DNAH14: variants seen among roughly 807,000 people sequenced by gnomAD.
DNAH14 encodes the protein dynein axonemal heavy chain 14.
In DNAH14, 478 loss-of-function variants were observed where a neutral mutation model predicts 520.9. The ratio of observed to expected loss-of-function variants is 0.92; its 90% confidence interval spans 0.85 to 0.99. The LOEUF is 0.99. Among genes scored for constraint, DNAH14 ranks in the 50% least tolerant of loss-of-function variants. DNAH14 has a pLI of 0.00. For synonymous variants in DNAH14, 1,581 were observed against 1,757.2 expected, an observed-to-expected ratio of 0.90 and a Z score of 2.51; for missense variants, 4,831 against 5,234.5, an observed-to-expected ratio of 0.92 and a Z score of 2.38.
intron 1 of DNAH14, among the ~76,000 whole-genome samples, chr1:224,930,705 C>T (rs578203292): frequency 1.3e-4 from 20 of 152,294 alleles, no homozygotes; most frequent in African/African-American, 4.6e-4. Context: ...TCACGCCATT[C>T]TCCTGCCTCA....
chr1:225,239,586 T>C (rs951884565), intron 42 of DNAH14, among the ~76,000 whole-genome samples: 4 of 152,204 alleles, frequency 2.6e-5, no homozygotes, highest in African/African-American at 9.6e-5. Context: ...TTCATTCCTC[T>C]TTGTGAGTGC....
At chr1:224,963,270 G>A (rs1287201636) in intron 4 of DNAH14, among the ~76,000 whole-genome samples, 1 of 151,900 alleles carries the variant, frequency 6.6e-6, no homozygotes, top group African/African-American at 2.4e-5. Flanking sequence ...TGTATAAGTT[G>A]CTAAGTTTGA....
intron 8 of DNAH14, among the ~76,000 whole-genome samples, chr1:224,977,099 C>G (rs1339992529): frequency 6.6e-6 from 1 of 151,554 alleles, no homozygotes; most frequent in Non-Finnish European, 1.5e-5. Flanking sequence ...AAATGTCCAA[C>G]AATGATAGAC....
Position 225,331,356 on chromosome 1 carries a change from A to G in DNAH14, c.9724-81A>G, listed in dbSNP as rs116561851. 1.0e-3 allele frequency: 1,390 copies of G among 1,371,576 alleles called. 10 individuals are homozygous for G. The African/African-American group carries it at 0.016, about 16-fold the overall frequency. The allele number at this position is 1,371,576 out of a possible 1,614,324, so 85.0% of individuals were successfully genotyped here. ...TGTGAAAATGAAATGGTAACACTAT[A>G]TTTATATAAATGACAGCTAAAGTCT... On this transcript the variant is annotated intron_variant, in intron 64 of 85. Transcript: ENST00000682510.
At chr1:225,393,348 T>C (rs2095947431) in intron 84 of DNAH14, among the ~76,000 whole-genome samples, 1 of 152,216 alleles carries the variant, frequency 6.6e-6, no homozygotes. Flanking sequence ...CTACACGGCA[T>C]AGCCTACTGC....
chr1:225,272,167 G>A, intron 51 of DNAH14, 94 bp downstream of exon 51: 7 of 1,239,840 alleles, frequency 5.6e-6, no homozygotes, highest in Non-Finnish European at 6.6e-6. Context: ...GGGAAAAAAG[G>A]GAAATGAATG....
intron 8 of DNAH14, among the ~76,000 whole-genome samples, chr1:224,980,139 C>G (rs1003570309): frequency 6.6e-6 from 1 of 152,128 alleles, no homozygotes; most frequent in African/African-American, 2.4e-5. Flanking sequence ...TGTCTTGCAC[C>G]TTAGGTACTA....
At chr1:225,072,357 A>G (rs1277624542) in intron 17 of DNAH14, among the ~76,000 whole-genome samples, 1 of 152,150 alleles carries the variant, frequency 6.6e-6, no homozygotes, top group Non-Finnish European at 1.5e-5. Flanking sequence ...GCATTATGAA[A>G]TTCTTCTAGT....
rs60546316 is a variant in DNAH14, at chr1:224,982,364, TC to T, written c.830+8213del. Among the ~76,000 whole-genome samples, 720 of 152,322 alleles carry T rather than the reference TC, an allele frequency of 4.7e-3. 4 individuals are homozygous for T. Among genetic ancestry groups the T allele is most frequent in the African/African-American group, 0.016 (677 of 41,574 alleles). Reference sequence around the variant, plus strand: ...TGTGTGTCAGTGTACATTTTATTCATCCGTCATTTGGGTCAGGGTCTGCTAA... The same window carrying T: ...TGTGTGTCAGTGTACATTTTATTCATCGTCATTTGGGTCAGGGTCTGCTAA... On this transcript the variant is annotated intron_variant, in intron 8 of 85. Transcript: ENST00000682510.
intron 1 of DNAH14, among the ~76,000 whole-genome samples, chr1:224,949,526 C>A (rs1420318559): frequency 6.6e-6 from 1 of 152,214 alleles, no homozygotes; most frequent in African/African-American, 2.4e-5. Flanking sequence ...TTACTTTATT[C>A]TTTGTAATAG....
chr1:225,050,242 C>T lies in DNAH14; in HGVS notation c.1945C>T (p.Leu649=), dbSNP rs569630998. The T allele has an allele frequency of 1.7e-4, 258 of 1,546,006 alleles. 1 individual carries two copies. The South Asian group carries it at 2.9e-3, about 18-fold the overall frequency. The change falls in exon 16 of 86, where the codon CTG becomes TTG. Residue 649 remains leucine, a synonymous_variant. Coordinates refer to ENST00000682510, the MANE Select transcript of DNAH14 (RefSeq NM_001367479.1). ...TITPLCQDPQ[L]SIFIDLVSIM... Reference sequence around the variant, plus strand: ...TACTCCTCTTTGCCAAGATCCCCAGCTGTCTATCTTCATTGATTTGGTTTC... The same window carrying T: ...TACTCCTCTTTGCCAAGATCCCCAGTTGTCTATCTTCATTGATTTGGTTTC...
At chr1:225,246,791 T>C (rs374822992) in intron 43 of DNAH14, among the ~76,000 whole-genome samples, 20 of 152,128 alleles carry the variant, frequency 1.3e-4, no homozygotes, top group East Asian at 9.6e-4. Context: ...GGAGTGTAAA[T>C]TAGCTCAATC....
rs1466537456 is a variant in DNAH14 at position 225,270,784 on chromosome 1, A to T, written c.7589A>T (p.Asp2530Val). ...GCAGCTTGTGTTCCAGTTGTGAATGATATCAGCCCACGTCTTCTCAAACAC... is the reference window on the plus strand; with the variant it reads ...GCAGCTTGTGTTCCAGTTGTGAATGTTATCAGCCCACGTCTTCTCAAACAC... ...IVAACVPVVN[D>V]ISPRLLKHFS... Residue 2530 changes from aspartate to valine, a missense_variant, in exon 50 of 86, where the codon GAT (aspartate) becomes GTT (valine). Physicochemically the swap from Asp to Val is radical, Grantham distance 152 (BLOSUM62 -3). Transcript: ENST00000682510. The T allele has an allele frequency of 6.4e-7, 1 of 1,551,310 alleles. No homozygotes were observed. Among genetic ancestry groups the T allele is most frequent in the Non-Finnish European group, 8.7e-7 (1 of 1,146,750 alleles).
At chr1:225,114,745 G>C (rs1383735343) in intron 23 of DNAH14, among the ~76,000 whole-genome samples, 1 of 152,054 alleles carries the variant, frequency 6.6e-6, no homozygotes, top group African/African-American at 2.4e-5. Flanking sequence ...GTTATGTCCA[G>C]TGTTGGCAGC....
At chr1:224,954,922 C>T in intron 2 of DNAH14, 37 bp from the exon 3 acceptor site, 6 of 1,503,424 alleles carry the variant, frequency 4.0e-6, no homozygotes, top group African/African-American at 1.4e-5. Context: ...TGTGATTTTC[C>T]ATTTATTTTC....
chr1:225,331,431 T>C lies in DNAH14; in HGVS notation c.9724-6T>C. On this transcript the variant is annotated splice_region_variant and splice_polypyrimidine_tract_variant and intron_variant, in intron 64 of 85. Transcript: ENST00000682510. ...TTTTCTCAATAATGAATTAATTATC[T>C]TTCAGGTTGAAGAACATTTGCTGTT... 6.5e-7 allele frequency: 1 copy of C among 1,549,074 alleles called. No individual in the cohort carries two copies. Among genetic ancestry groups the C allele is most frequent in the African/African-American group, 1.4e-5 (1 of 73,008 alleles).
chr1:225,261,979 A>G (rs1319571971), intron 46 of DNAH14, among the ~76,000 whole-genome samples: 2 of 152,136 alleles, frequency 1.3e-5, no homozygotes, highest in East Asian at 3.8e-4. Context: ...TATTTTTAAA[A>G]TAACCAAATT....
chr1:225,085,987 AAAGTTT>A (rs1340730620), intron 21 of DNAH14, among the ~76,000 whole-genome samples, 198 bp downstream of exon 21: 1 of 152,096 alleles, frequency 6.6e-6, no homozygotes, highest in East Asian at 1.9e-4. Context: ...AGAAAATGTC[AAAGTTT>A]AATTTTGGCA....
At chr1:225,038,203 A>T (rs2067144207) in intron 11 of DNAH14, among the ~76,000 whole-genome samples, 1 of 152,098 alleles carries the variant, frequency 6.6e-6, no homozygotes, top group African/African-American at 2.4e-5. Context: ...TGTTTGAAAG[A>T]CATTTTTGCC....
Sources: allele counts gnomAD v4.1 joint callset (sites outside exome capture counted in the v4.1 genomes callset), GRCh38; gene constraint gnomAD v4.1.1; transcripts MANE v1.5; gene names NCBI Gene and HGNC (gene_info 2026-07-23, HGNC 2026-07-21).